The following COG6 variants were observed in gnomAD, a reference collection of about 807,000 sequenced individuals.
The protein encoded by COG6 is component of oligomeric golgi complex 6.
A neutral mutation model predicts 88.8 loss-of-function variants in COG6; 74 were observed. That is an observed-to-expected ratio of 0.83 (90% CI 0.69 to 1.01). The LOEUF (loss-of-function observed/expected upper bound fraction) is 1.01. Ranked by LOEUF, COG6 falls within the 50% of genes least tolerant of loss-of-function variation. COG6 has a pLI of 0.00. For synonymous variants in COG6, 286 were observed against 278.7 expected (o/e 1.03, Z -0.26); for missense variants, 800 against 797.9 (o/e 1.00, Z -0.03).
intron 4 of COG6, among the ~76,000 whole-genome samples, chr13:39,672,944 C>T (rs955345244): frequency 4.6e-5 from 7 of 151,966 alleles, no homozygotes; most frequent in Non-Finnish European, 8.8e-5. Context: ...GTGTGAAGTA[C>T]TACTCATTGT....
At chr13:39,750,805 C>A in intron 18 of COG6, 141 bp from the exon 19 acceptor site, 1 of 670,188 alleles carries the variant, frequency 1.5e-6, no homozygotes, top group African/African-American at 1.8e-5. Flanking sequence ...AACTGTGTAG[C>A]CATATAGTGA....
intron 18 of COG6, among the ~76,000 whole-genome samples, chr13:39,759,691 A>G (rs1880953187): frequency 6.6e-6 from 1 of 152,194 alleles, no homozygotes; most frequent in South Asian, 2.1e-4. Flanking sequence ...TGAAATTTCT[A>G]TAAACTAGCT....
intron 13 of COG6, among the ~76,000 whole-genome samples, chr13:39,703,850 C>T (rs1338648389): frequency 6.6e-6 from 1 of 151,936 alleles, no homozygotes; most frequent in African/African-American, 2.4e-5. Context: ...CCTCAGCCTT[C>T]CAAGTAGCTG....
chr13:39,766,283 G>A (rs1593481258), intron 18 of COG6, among the ~76,000 whole-genome samples: 1 of 152,286 alleles, frequency 6.6e-6, no homozygotes, highest in East Asian at 1.9e-4. Flanking sequence ...AACTTGAAAG[G>A]AAAGGGTTGC....
At chr13:39,739,803 C>T (rs1050079836) in intron 18 of COG6, among the ~76,000 whole-genome samples, 15 of 152,000 alleles carry the variant, frequency 9.9e-5, no homozygotes, top group African/African-American at 3.4e-4. Context: ...TGAATTGAGT[C>T]ATAAATATTG....
intron 1 of COG6, among the ~76,000 whole-genome samples, chr13:39,659,030 G>A (rs911325565): frequency 2.5e-5 from 3 of 117,982 alleles, no homozygotes; most frequent in South Asian, 3.1e-4. Flanking sequence ...CTTATACTAC[G>A]TAAGTGCATA....
At chr13:39,685,055 G>T (rs1876559596) in intron 8 of COG6, among the ~76,000 whole-genome samples, 1 of 152,020 alleles carries the variant, frequency 6.6e-6, no homozygotes, top group Non-Finnish European at 1.5e-5. Context: ...TGTATTTGTT[G>T]TGTTTCAAAG....
At chr13:39,735,581 C>A (rs1879694689) in intron 18 of COG6, among the ~76,000 whole-genome samples, 1 of 152,080 alleles carries the variant, frequency 6.6e-6, no homozygotes, top group Non-Finnish European at 1.5e-5. Context: ...TTTCTGTGTA[C>A]CTAGTATTAC....
At chr13:39,698,125 C>T (rs745540151) in intron 12 of COG6, among the ~76,000 whole-genome samples, 12 of 151,458 alleles carry the variant, frequency 7.9e-5, no homozygotes, top group Non-Finnish European at 1.5e-4. Context: ...GTTCAATAAA[C>T]GTTAGTAAAT....
rs137918750 is a variant in COG6 at position 39,786,025 on chromosome 13, G to T, written c.1827-2310G>T. Among the ~76,000 whole-genome samples the T allele has an allele frequency of 1.5e-3, 232 of 152,276 alleles. 2 individuals carry two copies. Among genetic ancestry groups the T allele is most frequent in the African/African-American group, 5.4e-3 (224 of 41,566 alleles). ...TACAGTCAGGATAGAGCCCAGCAGT[G>T]CCTCAACCGTATACATCCCTGGCTC... On this transcript the variant is annotated intron_variant, in intron 18 of 18. Transcript: ENST00000416691.
chr13:39,719,994 AACACACACACAC>A (rs58617808), intron 15 of COG6, among the ~76,000 whole-genome samples, 167 bp downstream of exon 15: 6 of 147,762 alleles, frequency 4.1e-5, no homozygotes, highest in African/African-American at 1.2e-4. Context: ...GCACATACAC[AACACACACACAC>A]ACACACACAC....
At chr13:39,673,062 C>T (rs970232043) in intron 4 of COG6, among the ~76,000 whole-genome samples, 1 of 151,918 alleles carries the variant, frequency 6.6e-6, no homozygotes, top group African/African-American at 2.4e-5. Context: ...GTCCTTTACC[C>T]ATTTTTTAAT....
At chr13:39,762,261 G>A (rs1480444369) in intron 18 of COG6, among the ~76,000 whole-genome samples, 1 of 151,946 alleles carries the variant, frequency 6.6e-6, no homozygotes, top group Non-Finnish European at 1.5e-5. Flanking sequence ...AATAAGCCAG[G>A]CACAGAAATA....
chr13:39,688,521 C>T (rs1876797795), intron 10 of COG6, among the ~76,000 whole-genome samples: 1 of 152,178 alleles, frequency 6.6e-6, no homozygotes, highest in East Asian at 1.9e-4. Context: ...AGGTGCCACA[C>T]ACTTTTAAGC....
chr13:39,697,297 G>A (rs1376424976), intron 12 of COG6, among the ~76,000 whole-genome samples: 3 of 151,750 alleles, frequency 2.0e-5, no homozygotes, highest in African/African-American at 7.3e-5. Context: ...GCTAAGGACT[G>A]AGTCCTGGGA....
intron 18 of COG6, among the ~76,000 whole-genome samples, chr13:39,767,676 C>T (rs1881206076): frequency 6.6e-6 from 1 of 152,110 alleles, no homozygotes; most frequent in African/African-American, 2.4e-5. Flanking sequence ...TTATGGGCTC[C>T]CTTACAGGGT....
intron 18 of COG6, among the ~76,000 whole-genome samples, chr13:39,736,477 G>A (rs1879749391): frequency 6.6e-6 from 1 of 152,114 alleles, no homozygotes; most frequent in African/African-American, 2.4e-5. Context: ...TGGATTACCT[G>A]AGGTCAGGAG....
intron 8 of COG6, among the ~76,000 whole-genome samples, chr13:39,684,587 AG>A (rs1439184312): frequency 6.6e-6 from 1 of 152,128 alleles, no homozygotes; most frequent in Non-Finnish European, 1.5e-5. Flanking sequence ...GAAGTTGAGT[AG>A]GAAAGTAAGT....
intron 13 of COG6, among the ~76,000 whole-genome samples, chr13:39,700,657 A>G (rs1317389489): frequency 6.6e-6 from 1 of 151,940 alleles, no homozygotes; most frequent in Non-Finnish European, 1.5e-5. Flanking sequence ...TGTTGAGAGT[A>G]CAAGGATGAA....
Sources: allele counts gnomAD v4.1 joint callset (sites outside exome capture counted in the v4.1 genomes callset), GRCh38; gene constraint gnomAD v4.1.1; transcripts MANE v1.5; gene names NCBI Gene and HGNC (gene_info 2026-07-23, HGNC 2026-07-21).